Variants in CCDC40 observed in about 807,000 individuals in gnomAD.
The protein encoded by CCDC40 is coiled-coil domain 40 molecular ruler complex subunit.
CCDC40 carries 104 observed loss-of-function variants against 124.5 expected under a neutral mutation model. The observed-to-expected ratio is 0.84, with a 90% CI of 0.71 to 0.98. The LOEUF (loss-of-function observed/expected upper bound fraction) is 0.98. Among genes scored for constraint, CCDC40 ranks in the 50% least tolerant of loss-of-function variants. The probability of loss-of-function intolerance (pLI) is 0.00; values close to 1 mark genes in which losing one functional copy is unlikely to be tolerated. For missense variants in CCDC40, 1,463 were observed against 1,503.9 expected, an observed-to-expected ratio of 0.97 and a Z score of 0.45; for synonymous variants, 580 against 602.9, an observed-to-expected ratio of 0.96 and a Z score of 0.56.
At chr17:80,053,816 C>T (rs1225435366) in intron 7 of CCDC40, among the ~76,000 whole-genome samples, 2 of 152,142 alleles carry the variant, frequency 1.3e-5, no homozygotes, top group Admixed American at 1.3e-4. Flanking sequence ...TGGTCTTGAA[C>T]CCCTGACCTC....
Position 80,065,499 on chromosome 17 carries a change from C to T in CCDC40, c.1455C>T (p.Ile485=), listed in dbSNP as rs2038019234. ...GTTGGCTGCAGGCCTGCACCGAGAT[C>T]GACGCCATCAGCGTGGAGAAGAGGC... The part of the protein sequence containing the change: ...RKAVSEACTE[I]DAISVEKRRI... The change falls in exon 10 of 20, where the codon ATC becomes ATT. Residue 485 remains isoleucine (I), a synonymous_variant. Transcript: ENST00000397545. The T allele has an allele frequency of 2.5e-6, 4 of 1,613,088 alleles. No homozygotes were observed. Among genetic ancestry groups the T allele is most frequent in the East Asian group, 4.5e-5 (2 of 44,812 alleles).
At chr17:80,043,838 C>T (rs1296674492) in intron 3 of CCDC40, among the ~76,000 whole-genome samples, 1 of 152,044 alleles carries the variant, frequency 6.6e-6, no homozygotes, top group Non-Finnish European at 1.5e-5. Flanking sequence ...ATATTTGTAG[C>T]TCCTTTCTCC....
chr17:80,056,006 A>T (rs868769076), intron 7 of CCDC40, among the ~76,000 whole-genome samples: 3,219 of 8,844 alleles, frequency 0.36, 573 homozygotes, highest in Non-Finnish European at 0.5. Flanking sequence ...ATATATATAT[A>T]TATATATATA....
At chr17:80,095,220 C>A (rs755107833) in intron 17 of CCDC40, 43 bp from the exon 18 acceptor site, 9 of 1,596,454 alleles carry the variant, frequency 5.6e-6, no homozygotes, top group Non-Finnish European at 8.6e-7. Context: ...GCAGCTGCAG[C>A]TCAGGCCTGC....
At chr17:80,057,736 C>T (rs1045612920) in intron 7 of CCDC40, among the ~76,000 whole-genome samples, 2 of 151,904 alleles carry the variant, frequency 1.3e-5, no homozygotes, top group African/African-American at 2.4e-5. Flanking sequence ...ATTAGCCGGG[C>T]GTGGTGGCGG....
At position 80,086,076 on chromosome 17, in the gene CCDC40, C is replaced by T. The variant is rs749795585; in HGVS notation, c.2309C>T (p.Ala770Val). ...CTGATCGACGAGCACGATGGCAAGG[C>T]GGTCCAGGCCCAGGTGACCTGGCTG... ...SKLIDEHDGK[A>V]VQAQVTWLRL... The change falls in exon 14 of 20, where the codon GCG becomes GTG. Residue 770 changes from alanine (A) to valine (V), a missense_variant. Ala to Val is a moderately conservative substitution (Grantham distance 64). Coordinates refer to ENST00000397545, the MANE Select transcript of CCDC40 (RefSeq NM_017950.4). The surrounding 1 kb of genome is among the most constrained non-coding windows in gnomAD (Gnocchi z 5.5). The T allele has an allele frequency of 1.4e-5, 23 of 1,614,128 alleles. No individual in the cohort carries two copies. The highest frequency in any genetic ancestry group is 1.8e-5 in the Non-Finnish European group (21 of 1,180,034).
Position 80,058,950 on chromosome 17 carries a change from C to T in CCDC40, c.1410C>T (p.Asp470=), listed in dbSNP as rs1450277585. The T allele has an allele frequency of 3.1e-6, 5 of 1,614,034 alleles. No individual in the cohort carries two copies. Among genetic ancestry groups the T allele is most frequent in the African/African-American group, 2.7e-5 (2 of 74,910 alleles). Residue 470 remains aspartate (D), a synonymous_variant, in exon 9 of 20, where the codon GAC becomes GAT. Transcript: ENST00000397545. This position sits in a 1 kb window ranked among gnomAD's most constrained non-coding sequence, Gnocchi z 4.2. ...FEAQYLAQAE[D]TRILRKAVSE... is the part of the protein sequence containing the mutation. ...CTCAGTACTTGGCCCAAGCTGAGGACACCCGGATTTTAAGGAAAGCAGTGA... is the reference window on the plus strand; with the variant it reads ...CTCAGTACTTGGCCCAAGCTGAGGATACCCGGATTTTAAGGAAAGCAGTGA...
chr17:80,093,426 A>G (rs763061045), intron 17 of CCDC40, among the ~76,000 whole-genome samples: 11 of 151,620 alleles, frequency 7.3e-5, no homozygotes, highest in Non-Finnish European at 1.5e-4. Context: ...CAGATGATCC[A>G]CCTGCCTCGG....
In CCDC40 at chr17:80,036,675, G is replaced by A; in HGVS notation, c.13G>A (p.Gly5Ser). 1.4e-6 allele frequency: 2 copies of A among 1,463,350 alleles called. No homozygotes were observed. The highest frequency in any genetic ancestry group is 1.8e-6 in the Non-Finnish European group (2 of 1,109,710). The allele number at this position is 1,463,350 out of a possible 1,614,324, so 90.6% of individuals were successfully genotyped here. Reference protein sequence around the residue: MAEPGGAAGRSHPED... With the variant: MAEPSGAAGRSHPED... ...CTAGCAACGGGAAATGGCGGAACCGGGCGGCGCGGCGGGCCGGTAAGCCGG... is the reference window on the plus strand; with the variant it reads ...CTAGCAACGGGAAATGGCGGAACCGAGCGGCGCGGCGGGCCGGTAAGCCGG... The change falls in exon 1 of 20, where the codon GGC (glycine) becomes AGC (serine). Residue 5 changes from glycine to serine, a missense_variant. By Grantham distance (56) the Gly-to-Ser change is moderately conservative. Coordinates refer to ENST00000397545, the MANE Select transcript of CCDC40 (RefSeq NM_017950.4).
intron 18 of CCDC40, among the ~76,000 whole-genome samples, chr17:80,096,083 GT>G (rs2038805278): frequency 6.6e-6 from 1 of 152,256 alleles, no homozygotes; most frequent in Non-Finnish European, 1.5e-5. Context: ...GACCCGCTGT[GT>G]GACCTCGGAG....
At chr17:80,077,133 T>G (rs1428944286) in intron 10 of CCDC40, among the ~76,000 whole-genome samples, 1 of 152,198 alleles carries the variant, frequency 6.6e-6, no homozygotes, top group Non-Finnish European at 1.5e-5. Context: ...CAAAAAAGAT[T>G]GTGTGACTTG....
chr17:80,100,139 G>A lies in CCDC40; in HGVS notation c.*364G>A. On this transcript the variant is annotated 3_prime_UTR_variant, in exon 20 of 20. Transcript: ENST00000397545. Reference sequence around the variant, plus strand: ...AACGCTGCCACAGGTCCACAAGCTGGTGGGCTGAGCAGAGGTGGGAAAGTT... The same window carrying A: ...AACGCTGCCACAGGTCCACAAGCTGATGGGCTGAGCAGAGGTGGGAAAGTT... 2.9e-6 allele frequency: 1 copy of A among 340,006 alleles called. No homozygotes were observed. Among genetic ancestry groups the A allele is most frequent in the Non-Finnish European group, 5.7e-6 (1 of 176,602 alleles). 21.1% of individuals were successfully genotyped at this position (340,006 alleles called of 1,614,324 possible).
chr17:80,036,787 C>T, intron 1 of CCDC40, 96 bp downstream of exon 1: 1 of 1,184,834 alleles, frequency 8.4e-7, no homozygotes. Context: ...CTGCCTCGCC[C>T]CTTCGCCTCC....
intron 10 of CCDC40, among the ~76,000 whole-genome samples, chr17:80,069,702 G>C (rs2038140447): frequency 6.6e-6 from 1 of 152,172 alleles, no homozygotes; most frequent in African/African-American, 2.4e-5. Context: ...GGTGAAGCAA[G>C]ATGGTGCCAC....
intron 10 of CCDC40, among the ~76,000 whole-genome samples, chr17:80,072,203 A>G (rs2038209061): frequency 6.6e-6 from 1 of 152,164 alleles, no homozygotes; most frequent in Admixed American, 6.6e-5. Context: ...CCCCACCGTA[A>G]GCTGAGGAGA....
intron 9 of CCDC40, among the ~76,000 whole-genome samples, chr17:80,062,164 C>T (rs1048177620): frequency 7.9e-5 from 12 of 151,996 alleles, no homozygotes; most frequent in Admixed American, 5.9e-4. Flanking sequence ...CGCTCATCAC[C>T]GTGTTGTGTC....
intron 3 of CCDC40, among the ~76,000 whole-genome samples, chr17:80,044,508 A>G (rs551351288): frequency 7.9e-5 from 12 of 151,902 alleles, no homozygotes; most frequent in Middle Eastern, 3.4e-3. Context: ...ACATGGCGAG[A>G]CCCCATCTCT....
Position 80,095,448 on chromosome 17 carries a change from C to A in CCDC40, c.3018C>A (p.Arg1006=). The A allele has an allele frequency of 6.2e-7, 1 of 1,614,132 alleles. No individual in the cohort carries two copies. The highest frequency in any genetic ancestry group is 8.5e-7 in the Non-Finnish European group (1 of 1,180,008). The change falls in exon 18 of 20, where the codon CGC becomes CGA. Residue 1006 remains arginine, a synonymous_variant. Transcript: ENST00000397545. ...LELRRKIRDV[R]KATDECTKTV... ...TGCGCCGGAAAATCAGGGACGTTCGCAAGGTAGGGAGCAGCGGAAAGGAAA... is the reference window on the plus strand; with the variant it reads ...TGCGCCGGAAAATCAGGGACGTTCGAAAGGTAGGGAGCAGCGGAAAGGAAA...
Position 80,058,675 on chromosome 17 carries a change from T to G in CCDC40, c.1317+24T>G. 1.2e-6 allele frequency: 2 copies of G among 1,613,558 alleles called. No individual in the cohort carries two copies. Among genetic ancestry groups the G allele is most frequent in the Non-Finnish European group, 1.7e-6 (2 of 1,179,532 alleles). Reference sequence around the variant, plus strand: ...AGGTATTCTGCAAACTCGACACATGTTTAATGATCACCAGACCGTGGAGCT... The same window carrying G: ...AGGTATTCTGCAAACTCGACACATGGTTAATGATCACCAGACCGTGGAGCT... On this transcript the variant is annotated intron_variant, in intron 8 of 19. Transcript: ENST00000397545. The surrounding 1 kb of genome is among the most constrained non-coding windows in gnomAD (Gnocchi z 4.2).
Sources: gnomAD v4.1 joint callset for allele counts (sites outside exome capture counted in the v4.1 genomes callset) on GRCh38, gnomAD v4.1.1 for gene constraint, Gnocchi (gnomAD v3.1) non-coding constraint, MANE v1.5 for transcripts, NCBI Gene and HGNC (gene_info 2026-07-23, HGNC 2026-07-21) for gene names.